UGT2B15: variants seen among roughly 807,000 people sequenced by gnomAD.
UGT2B15 encodes the protein UDP glucuronosyltransferase family 2 member B15.
Under a neutral mutation model 45.9 loss-of-function variants are expected in UGT2B15, and 36 were observed. That is an observed-to-expected ratio of 0.78 (90% CI 0.60 to 1.04). UGT2B15 has a LOEUF of 1.04. Among genes scored for constraint, UGT2B15 ranks in the 50% least tolerant of loss-of-function variants. UGT2B15 has a pLI of 0.00. For synonymous variants in UGT2B15, 219 were observed against 216.4 expected, an observed-to-expected ratio of 1.01 and a Z score of -0.11; for missense variants, 617 against 622.4, an observed-to-expected ratio of 0.99 and a Z score of 0.09.
chr4:68,656,938 G>T (rs1732823441), intron 3 of UGT2B15, among the ~76,000 whole-genome samples: 1 of 152,018 alleles, frequency 6.6e-6, no homozygotes, highest in Non-Finnish European at 1.5e-5. Context: ...CAAAGTAGGG[G>T]GTGGCTGAGT....
At chr4:68,661,847 C>A (rs1208863964) in intron 3 of UGT2B15, among the ~76,000 whole-genome samples, 1 of 152,036 alleles carries the variant, frequency 6.6e-6, no homozygotes, top group Non-Finnish European at 1.5e-5. Flanking sequence ...AATACAGATG[C>A]TGAAAATGTA....
In UGT2B15 at chr4:68,657,195, G is replaced by C. The variant is rs140092033; in HGVS notation, c.1006-2013C>G. Among the ~76,000 whole-genome samples, 865 of 152,286 alleles carry C rather than the reference G, an allele frequency of 5.7e-3. 7 individuals are homozygous for C. Among genetic ancestry groups the C allele is most frequent in the African/African-American group, 0.019 (809 of 41,552 alleles). On this transcript the variant is annotated intron_variant, in intron 3 of 5. Coordinates refer to ENST00000338206, the MANE Select transcript of UGT2B15 (RefSeq NM_001076.4). The stretch of plus-strand genomic sequence containing the variant: ...GTGAAAGGGCATCTGCTCCTCCCAG[G>C]CAAAAGGCACCCCTAAGCAACTGGG...
Position 68,647,074 on chromosome 4 carries a change from C to T in UGT2B15, c.*30G>A, listed in dbSNP as rs370951770. ...GAAATAAAGGAGGAGTCCCATCTTT[C>T]AGTCATTCCACTTCAGGCTTTTGAT... On this transcript the variant is annotated 3_prime_UTR_variant, in exon 6 of 6. Transcript: ENST00000338206. 8 of 1,588,690 alleles carry T rather than the reference C, an allele frequency of 5.0e-6. No homozygotes were observed. Among genetic ancestry groups the T allele is most frequent in the Middle Eastern group, 1.7e-4 (1 of 5,904 alleles).
At chr4:68,661,183 TG>T (rs1056389681) in intron 3 of UGT2B15, among the ~76,000 whole-genome samples, 6 of 152,084 alleles carry the variant, frequency 3.9e-5, no homozygotes, top group African/African-American at 1.4e-4. Context: ...AAAATAAGCC[TG>T]GGGGCCCCAA....
chr4:68,666,733 CATATAT>C (rs975003043), intron 2 of UGT2B15, among the ~76,000 whole-genome samples: 28 of 136,340 alleles, frequency 2.1e-4, no homozygotes, highest in African/African-American at 7.2e-4. Flanking sequence ...TATCAAATTA[CATATAT>C]ATATATATAT....
In UGT2B15 at chr4:68,670,323, T is replaced by C; in HGVS notation, c.296A>G (p.Tyr99Cys). The change falls in exon 1 of 6, where the codon TAT becomes TGT. Residue 99 changes from tyrosine (Y) to cysteine (C), a missense_variant. By Grantham distance (194) the Tyr-to-Cys change is radical. Coordinates refer to ENST00000338206, the MANE Select transcript of UGT2B15 (RefSeq NM_001076.4). ...CCAAAATGTATTTTTTGAAACACCATATATCCATCTATCGAGAATTTTCAG... is the reference window on the plus strand; with the variant it reads ...CCAAAATGTATTTTTTGAAACACCACATATCCATCTATCGAGAATTTTCAG... Reference protein sequence around the residue: ...SLLKILDRWIYGVSKNTFWSY... With the variant: ...SLLKILDRWICGVSKNTFWSY... 2 of 1,613,966 alleles carry C rather than the reference T, an allele frequency of 1.2e-6. No homozygotes were observed. Among genetic ancestry groups the C allele is most frequent in the Non-Finnish European group, 1.7e-6 (2 of 1,179,958 alleles).
chr4:68,668,823 C>T (rs1179067075), intron 1 of UGT2B15, among the ~76,000 whole-genome samples: 3 of 152,126 alleles, frequency 2.0e-5, no homozygotes, highest in Non-Finnish European at 4.4e-5. Context: ...TTATAAATTA[C>T]CCAGTCTCAG....
At chr4:68,663,576 T>C (rs1245659808) in intron 2 of UGT2B15, among the ~76,000 whole-genome samples, 1 of 152,102 alleles carries the variant, frequency 6.6e-6, no homozygotes, top group Non-Finnish European at 1.5e-5. Flanking sequence ...ATTTTATTTT[T>C]TTCTGTTCAG....
At chr4:68,649,921 C>T (rs756586174) in intron 5 of UGT2B15, among the ~76,000 whole-genome samples, 35 of 151,744 alleles carry the variant, frequency 2.3e-4, no homozygotes, top group Non-Finnish European at 4.0e-4. Context: ...CAACCTCCGT[C>T]TCCCGGGTTC....
rs1327859346 is a variant in UGT2B15 at position 68,666,750 on chromosome 4, A to ATTTT, written c.873+1289_873+1290insAAAA. Among the ~76,000 whole-genome samples the ATTTT allele has an allele frequency of 7.1e-3, 851 of 120,540 alleles. 10 individuals are homozygous for ATTTT. The highest frequency in any genetic ancestry group is 0.015 in the East Asian group (68 of 4,456). The allele number at this position is 120,540 out of a possible 152,430, so 79.1% of individuals were successfully genotyped here. Reference sequence around the variant, plus strand: ...TCAAATTACATATATATATATATATATATTTTTTTTTTTTGAGACAGATTC... The same window carrying ATTTT: ...TCAAATTACATATATATATATATATATTTTTATTTTTTTTTTTTGAGACAGATTC... On this transcript the variant is annotated intron_variant, in intron 2 of 5. Transcript: ENST00000338206.
rs1452680889 is a variant in UGT2B15 at position 68,654,270 on chromosome 4, C to G, written c.1094-14G>C. 6.2e-7 allele frequency: 1 copy of G among 1,606,726 alleles called. No homozygotes were observed. The highest frequency in any genetic ancestry group is 8.5e-7 in the Non-Finnish European group (1 of 1,175,512). On this transcript the variant is annotated splice_polypyrimidine_tract_variant and intron_variant, in intron 4 of 5. Coordinates refer to ENST00000338206, the MANE Select transcript of UGT2B15 (RefSeq NM_001076.4). The stretch of plus-strand genomic sequence containing the variant: ...TTTTGGGATGACCTAAAAGTGGATG[C>G]ATTTTAACAAAATTATTAATTACAA...
intron 4 of UGT2B15, among the ~76,000 whole-genome samples, chr4:68,654,681 A>G (rs1164487953): frequency 6.6e-6 from 1 of 152,062 alleles, no homozygotes; most frequent in Non-Finnish European, 1.5e-5. Flanking sequence ...CATGATAAAG[A>G]TTGGTTATTT....
At chr4:68,661,303 AG>A in intron 3 of UGT2B15, among the ~76,000 whole-genome samples, 1 of 152,088 alleles carries the variant, frequency 6.6e-6, no homozygotes, top group East Asian at 1.9e-4. Context: ...AGAAAGTCAA[AG>A]GAATGCCTCC....
intron 5 of UGT2B15, among the ~76,000 whole-genome samples, chr4:68,650,276 C>A (rs892318676): frequency 5.9e-5 from 9 of 151,970 alleles, no homozygotes; most frequent in Non-Finnish European, 1.2e-4. Flanking sequence ...TTAAGCCCCT[C>A]ATGTATTAGC....
Position 68,646,999 on chromosome 4 carries a change from A to T in UGT2B15, c.*105T>A, listed in dbSNP as rs1732493002. 8.0e-6 allele frequency: 12 copies of T among 1,494,392 alleles called. No homozygotes were observed. In the South Asian group the frequency reaches 1.5e-4, roughly 19 times the overall value. The allele number at this position is 1,494,392 out of a possible 1,614,324, so 92.6% of individuals were successfully genotyped here. A position where few individuals can be genotyped will look rare whatever the true frequency, so the allele number is the denominator to read the frequency against. On this transcript the variant is annotated 3_prime_UTR_variant, in exon 6 of 6. Transcript: ENST00000338206. ...TCTTAACAAGGTAAGTTGTGAAAAG[A>T]TGTTTTGTCACAGGAAAAAGGAAAT...
At chr4:68,654,960 A>G in intron 4 of UGT2B15, 135 bp downstream of exon 4, 1 of 1,122,826 alleles carries the variant, frequency 8.9e-7, no homozygotes, top group Non-Finnish European at 1.3e-6. Flanking sequence ...TGGAAAATAA[A>G]TATAAAGTAG....
At chr4:68,662,157 A>G (rs1732986547) in intron 3 of UGT2B15, among the ~76,000 whole-genome samples, 1 of 152,098 alleles carries the variant, frequency 6.6e-6, no homozygotes, top group South Asian at 2.1e-4. Context: ...TAAATTGAAA[A>G]TACACAAAGA....
intron 5 of UGT2B15, among the ~76,000 whole-genome samples, chr4:68,648,458 C>A (rs1257260403): frequency 6.6e-6 from 1 of 152,042 alleles, no homozygotes; most frequent in African/African-American, 2.4e-5. Flanking sequence ...TGTATGATAC[C>A]TCTTGGAGAG....
chr4:68,657,804 C>A (rs1411397931), intron 3 of UGT2B15, among the ~76,000 whole-genome samples: 2 of 151,998 alleles, frequency 1.3e-5, no homozygotes, highest in African/African-American at 4.8e-5. Context: ...TTTTTGTCTG[C>A]AAGCTGGTCA....
Sources: gnomAD v4.1 joint callset for allele counts (sites outside exome capture counted in the v4.1 genomes callset) on GRCh38, gnomAD v4.1.1 for gene constraint, MANE v1.5 for transcripts, NCBI Gene and HGNC (gene_info 2026-07-23, HGNC 2026-07-21) for gene names.